ZNF831: variants seen among roughly 807,000 people sequenced by gnomAD.
The protein encoded by ZNF831 is zinc finger protein 831, also known as chromosome 20 open reading frame 174.
In ZNF831, 59 loss-of-function variants were observed where a neutral mutation model predicts 95.8. That is an observed-to-expected ratio of 0.62 (90% CI 0.50 to 0.77). The LOEUF is 0.77. Ranked by LOEUF, ZNF831 falls within the 30% of genes least tolerant of loss-of-function variation. ZNF831 has a pLI of 0.00. For synonymous variants in ZNF831, 961 were observed against 925.5 expected (o/e 1.04, Z -0.70); for missense variants, 2,205 against 2,164.0 (o/e 1.02, Z -0.38).
At chr20:59,229,602 T>A (rs1986618690) in intron 4 of ZNF831, among the ~76,000 whole-genome samples, 1 of 152,222 alleles carries the variant, frequency 6.6e-6, no homozygotes, top group African/African-American at 2.4e-5. Flanking sequence ...GCTAGAAACT[T>A]TTAATAAACA....
intron 1 of ZNF831, among the ~76,000 whole-genome samples, chr20:59,183,583 A>G (rs115030472): frequency 7.2e-5 from 11 of 152,310 alleles, no homozygotes; most frequent in African/African-American, 2.6e-4. Context: ...CAATTATTAC[A>G]AGTATTTATT....
In ZNF831 at chr20:59,195,345, G is replaced by T. The variant is rs114902852; in HGVS notation, c.3739-524G>T. Among the ~76,000 whole-genome samples, 531 of 152,336 alleles carry T rather than the reference G, an allele frequency of 3.5e-3. 5 individuals carry two copies. The highest frequency in any genetic ancestry group is 0.012 in the African/African-American group (512 of 41,564). On this transcript the variant is annotated intron_variant, in intron 2 of 5. Coordinates refer to ENST00000371030, the MANE Select transcript of ZNF831 (RefSeq NM_178457.3). ...ACGCACCTGGTTGTGATGACTGAGG[G>T]CTTAGTCCTGCTCTGGAGTGGCTTG...
intron 2 of ZNF831, among the ~76,000 whole-genome samples, chr20:59,157,265 T>A (rs1482276683): frequency 1.3e-5 from 2 of 152,090 alleles, no homozygotes; most frequent in Admixed American, 6.5e-5. Flanking sequence ...AATTTTTACC[T>A]CCCACAAATG....
intron 1 of ZNF831, among the ~76,000 whole-genome samples, chr20:59,145,546 T>A (rs1979818503): frequency 6.6e-6 from 1 of 152,210 alleles, no homozygotes; most frequent in Non-Finnish European, 1.5e-5. Context: ...GTGTGCATGA[T>A]GTTCTGTGGG....
intron 1 of ZNF831, among the ~76,000 whole-genome samples, chr20:59,129,634 C>A (rs578225795): frequency 6.6e-6 from 1 of 152,218 alleles, no homozygotes; most frequent in Admixed American, 6.5e-5. Flanking sequence ...AACAGACAAA[C>A]AAACAAACAA....
chr20:59,129,351 G>A (rs1015475015), intron 1 of ZNF831, among the ~76,000 whole-genome samples: 2 of 152,200 alleles, frequency 1.3e-5, no homozygotes, highest in Non-Finnish European at 2.9e-5. Context: ...ACTGGGCCTG[G>A]TGTGGTGGCT....
Position 59,128,878 on chromosome 20 carries a change from C to T in ZNF831, c.-1425+5373C>T, listed in dbSNP as rs188360295. Among the ~76,000 whole-genome samples, 3 of 152,346 alleles carry T rather than the reference C, an allele frequency of 2.0e-5. No homozygotes were observed. The East Asian group carries it at 5.8e-4, about 29-fold the overall frequency. On this transcript the variant is annotated intron_variant, in intron 1 of 7. Transcript: ENST00000637017. Reference sequence around the variant, plus strand: ...CCGGGTTCAAGCTATTCTCCTGCCTCAGCCTCCTGAGTAGCTGGTATTATA... The same window carrying T: ...CCGGGTTCAAGCTATTCTCCTGCCTTAGCCTCCTGAGTAGCTGGTATTATA...
At chr20:59,209,081 C>T (rs1485173612) in intron 4 of ZNF831, among the ~76,000 whole-genome samples, 1 of 152,166 alleles carries the variant, frequency 6.6e-6, no homozygotes, top group Non-Finnish European at 1.5e-5. Context: ...CCACTGTCCA[C>T]CCCTTAGCTC....
Position 59,223,002 on chromosome 20 carries a change from C to T in ZNF831, c.4027+15946C>T, listed in dbSNP as rs576163215. Among the ~76,000 whole-genome samples, 24 of 152,290 alleles carry T rather than the reference C, an allele frequency of 1.6e-4. No homozygotes were observed. In the South Asian group the frequency reaches 4.6e-3, roughly 29 times the overall value. The stretch of plus-strand genomic sequence containing the variant: ...TCGTCACGGCCCCCGCACCAGACGA[C>T]CCCAGCCTGTGGATGATGTTTCACT... On this transcript the variant is annotated intron_variant, in intron 4 of 5. Transcript: ENST00000371030.
intron 4 of ZNF831, among the ~76,000 whole-genome samples, chr20:59,252,154 A>G (rs1420850427): frequency 1.3e-5 from 2 of 152,232 alleles, no homozygotes; most frequent in Non-Finnish European, 2.9e-5. Flanking sequence ...AGACTCCCGA[A>G]TGGGAAAAGA....
chr20:59,175,419 T>C (rs556626681), intron 1 of ZNF831, among the ~76,000 whole-genome samples: 4 of 152,226 alleles, frequency 2.6e-5, no homozygotes, highest in African/African-American at 9.6e-5. Context: ...GTTCATTTTT[T>C]TTTTATTTTT....
At chr20:59,246,807 G>A (rs894068233) in intron 4 of ZNF831, among the ~76,000 whole-genome samples, 3 of 152,202 alleles carry the variant, frequency 2.0e-5, no homozygotes, top group Non-Finnish European at 2.9e-5. Flanking sequence ...TTAGGATAGT[G>A]CAGAAATACC....
At chr20:59,140,012 G>A (rs1979628358) in intron 1 of ZNF831, among the ~76,000 whole-genome samples, 1 of 152,160 alleles carries the variant, frequency 6.6e-6, no homozygotes, top group African/African-American at 2.4e-5. Context: ...GTCTAATTAA[G>A]TCTCAAAGAA....
chr20:59,226,422 C>T (rs1418169932), intron 4 of ZNF831, among the ~76,000 whole-genome samples: 2 of 151,998 alleles, frequency 1.3e-5, no homozygotes, highest in East Asian at 3.9e-4. Context: ...TTTTTCTTAC[C>T]CCTCCCTGCT....
rs116278887 is a variant in ZNF831 at position 59,208,763 on chromosome 20, T to C, written c.4027+1707T>C. 8.1e-3 allele frequency among the ~76,000 whole-genome samples: 1,228 copies of C among 152,256 alleles called. 20 individuals are homozygous for C. Among genetic ancestry groups the C allele is most frequent in the African/African-American group, 0.027 (1,125 of 41,528 alleles). On this transcript the variant is annotated intron_variant, in intron 4 of 5. Transcript: ENST00000371030. This position sits in a 1 kb window ranked among gnomAD's most constrained non-coding sequence, Gnocchi z 4.2. ...TGAATTTTCCTTTATGGGGTAGAGC[T>C]TGGATGGAACCCCTGCTGAGACGCT...
chr20:59,218,546 G>A (rs189208367), intron 4 of ZNF831, among the ~76,000 whole-genome samples: 133 of 152,068 alleles, frequency 8.7e-4, no homozygotes, highest in African/African-American at 3.2e-3. Context: ...CTCCATCTCT[G>A]GGCAGCTCTG....
intron 1 of ZNF831, among the ~76,000 whole-genome samples, chr20:59,168,238 TATTA>T (rs1981440644): frequency 6.6e-6 from 1 of 152,226 alleles, no homozygotes; most frequent in Admixed American, 6.5e-5. Flanking sequence ...TATGCCTCTT[TATTA>T]TTTAGACTTT....
chr20:59,228,397 G>C (rs1235682484), intron 4 of ZNF831, among the ~76,000 whole-genome samples: 1 of 151,658 alleles, frequency 6.6e-6, no homozygotes, highest in Non-Finnish European at 1.5e-5. Context: ...GTTGGCTGCT[G>C]ACAGCCAACT....
At chr20:59,164,336 G>C (rs1981086272) in intron 1 of ZNF831, among the ~76,000 whole-genome samples, 129 bp downstream of exon 1, 1 of 152,188 alleles carries the variant, frequency 6.6e-6, no homozygotes, top group South Asian at 2.1e-4. Context: ...ACGTAAAACT[G>C]TGTGTGACCC....
Sources: allele counts gnomAD v4.1 joint callset (sites outside exome capture counted in the v4.1 genomes callset), GRCh38; gene constraint gnomAD v4.1.1; non-coding constraint Gnocchi (gnomAD v3.1); transcripts MANE v1.5; gene names NCBI Gene and HGNC (gene_info 2026-07-23, HGNC 2026-07-21).